TRAF1: variants seen among roughly 807,000 people sequenced by gnomAD.
The protein encoded by TRAF1 is TNF receptor associated factor 1.
TRAF1 carries 23 observed loss-of-function variants against 40.9 expected under a neutral mutation model. The ratio of observed to expected loss-of-function variants is 0.56; its 90% confidence interval spans 0.40 to 0.80. The LOEUF (loss-of-function observed/expected upper bound fraction) is 0.80. Ranked by LOEUF, TRAF1 falls within the 30% of genes least tolerant of loss-of-function variation. The probability of loss-of-function intolerance (pLI) is 0.00; values close to 1 mark genes in which losing one functional copy is unlikely to be tolerated. For synonymous variants in TRAF1, 206 were observed against 218.8 expected (o/e 0.94, Z 0.52); for missense variants, 477 against 528.7 (o/e 0.90, Z 0.96).
intron 5 of TRAF1, 64 bp downstream of exon 5, chr9:120,913,264 T>G (rs1036646187): frequency 1.3e-6 from 2 of 1,518,540 alleles, no homozygotes; most frequent in African/African-American, 2.8e-5. Flanking sequence ...GAAGCCTGTC[T>G]GCCGCTCTGG....
At chr9:120,923,537 C>A (rs1271566799) in intron 3 of TRAF1, among the ~76,000 whole-genome samples, 168 bp downstream of exon 3, 1 of 152,214 alleles carries the variant, frequency 6.6e-6, no homozygotes, top group Non-Finnish European at 1.5e-5. Context: ...CAAGACACTT[C>A]ACCACTGTGA....
chr9:120,916,376 T>A (rs1264115867), intron 3 of TRAF1, among the ~76,000 whole-genome samples: 1 of 152,096 alleles, frequency 6.6e-6, no homozygotes, highest in Non-Finnish European at 1.5e-5. Context: ...GTAGTGGCGG[T>A]TACATGATTA....
At chr9:120,915,179 G>T (rs1220771595) in intron 3 of TRAF1, among the ~76,000 whole-genome samples, 5 of 150,674 alleles carry the variant, frequency 3.3e-5, no homozygotes. Flanking sequence ...TACATTCTGA[G>T]AAATGTGTCA....
chr9:120,924,260 T>G (rs2046624039), intron 2 of TRAF1, among the ~76,000 whole-genome samples: 1 of 152,136 alleles, frequency 6.6e-6, no homozygotes, highest in Admixed American at 6.5e-5. Flanking sequence ...CCATTTGGTT[T>G]TGGTCTTATA....
At chr9:120,913,251 G>A in intron 5 of TRAF1, 77 bp downstream of exon 5, 1 of 1,490,452 alleles carries the variant, frequency 6.7e-7, no homozygotes, top group Non-Finnish European at 9.0e-7. Context: ...GAATGATTAG[G>A]AGGAAGCCTG....
chr9:120,921,010 C>G lies in TRAF1; in HGVS notation c.228+2695G>C, dbSNP rs532661010. On this transcript the variant is annotated intron_variant, in intron 3 of 7. Transcript: ENST00000373887. ...CCCTATGTGGCTTTGTGTAGGTGAT[C>G]AGACCATGACTTACCGCCCCTCCCC... Among the ~76,000 whole-genome samples, 120 of 152,238 alleles carry G rather than the reference C, an allele frequency of 7.9e-4. 1 individual carries two copies. Among genetic ancestry groups the G allele is most frequent in the Middle Eastern group, 3.4e-3 (1 of 294 alleles).
intron 6 of TRAF1, 30 bp downstream of exon 6, chr9:120,911,306 G>T (rs749427905): frequency 6.2e-7 from 1 of 1,604,568 alleles, no homozygotes; most frequent in Non-Finnish European, 8.5e-7. Flanking sequence ...GTTTCCCCAG[G>T]CAGGTCTCTG....
At chr9:120,906,605 C>A (rs2046484740) in intron 7 of TRAF1, among the ~76,000 whole-genome samples, 1 of 152,208 alleles carries the variant, frequency 6.6e-6, no homozygotes, top group Admixed American at 6.5e-5. Context: ...CTATCAACAT[C>A]CCCACCAGAG....
At chr9:120,914,119 G>A (rs1341095933) in intron 4 of TRAF1, 116 bp downstream of exon 4, 13 of 874,232 alleles carry the variant, frequency 1.5e-5, no homozygotes, top group South Asian at 1.3e-4. Context: ...TAGTACAAAG[G>A]ACATCCAGAT....
At position 120,912,744 on chromosome 9, in the gene TRAF1, C is replaced by T. The variant is rs1027942184; in HGVS notation, c.705+584G>A. On this transcript the variant is annotated intron_variant, in intron 5 of 7. Transcript: ENST00000373887. ...GCCCTGTTGGACCAAGAACTGTGGC[C>T]AAGTGGATTATCTGGAGTCAGCCTG... Among the ~76,000 whole-genome samples the T allele has an allele frequency of 7.2e-5, 11 of 152,136 alleles. No individual in the cohort carries two copies. The East Asian group carries it at 2.1e-3, about 29-fold the overall frequency.
Position 120,904,983 on chromosome 9 carries a change from C to A in TRAF1, c.*37G>T. 14 of 1,588,974 alleles carry A rather than the reference C, an allele frequency of 8.8e-6. No homozygotes were observed. Among genetic ancestry groups the A allele is most frequent in the South Asian group, 1.1e-5 (1 of 88,092 alleles). On this transcript the variant is annotated 3_prime_UTR_variant, in exon 8 of 8. Transcript: ENST00000373887. ...GCATCACAGTCCTCTGGCTAGCTCC[C>A]TTCTGAGTTGGAGCTCCCTCAGGAG...
At chr9:120,917,677 C>T (rs1401444706) in intron 3 of TRAF1, among the ~76,000 whole-genome samples, 1 of 152,176 alleles carries the variant, frequency 6.6e-6, no homozygotes. Flanking sequence ...CTTCTCAGGG[C>T]TGCCTGCACT....
chr9:120,907,849 C>G (rs561099470), intron 7 of TRAF1, among the ~76,000 whole-genome samples: 3 of 152,086 alleles, frequency 2.0e-5, no homozygotes, highest in South Asian at 4.1e-4. Context: ...CTCTTTCCTT[C>G]CCTTCCTTTC....
At position 120,911,508 on chromosome 9, in the gene TRAF1, C is replaced by T. The variant is rs1212758501; in HGVS notation, c.711G>A (p.Val237=). 2.5e-6 allele frequency: 4 copies of T among 1,611,134 alleles called. No homozygotes were observed. The Admixed American group carries it at 5.0e-5, about 20-fold the overall frequency. The change falls in exon 6 of 8, where the codon GTG becomes GTA. Residue 237 remains valine (V), a synonymous_variant. Transcript: ENST00000373887. ...TCTGGGCCAGGGTCTGCTGAAGCTC[C>T]ACCACCTGTAGGGAAGACTGTTCAG... ...ERILSLEQRV[V]ELQQTLAQKD...
rs1167167678 is a variant in TRAF1, at chr9:120,904,881, C to T, written c.*139G>A. ...CCTAACCAGATGGCCAGCCCGAAGT[C>T]GACCCCTCAGTCTTGCTTGGATCAT... On this transcript the variant is annotated 3_prime_UTR_variant, in exon 8 of 8. Coordinates refer to ENST00000373887, the MANE Select transcript of TRAF1 (RefSeq NM_005658.5). 7.9e-6 allele frequency: 7 copies of T among 887,616 alleles called. No individual in the cohort carries two copies. The highest frequency in any genetic ancestry group is 1.0e-5 in the Non-Finnish European group (6 of 588,554). The allele number at this position is 887,616 out of a possible 1,614,324, so 55.0% of individuals were successfully genotyped here.
At chr9:120,919,335 C>T (rs113073067) in intron 3 of TRAF1, among the ~76,000 whole-genome samples, 13 of 152,348 alleles carry the variant, frequency 8.5e-5, no homozygotes, top group South Asian at 2.1e-4. Context: ...GGAGTCTCTG[C>T]GTGTGTGGTG....
Position 120,902,906 on chromosome 9 carries a change from C to G in TRAF1, c.*2114G>C, listed in dbSNP as rs2046449698. 2 of 152,224 alleles carry G rather than the reference C, an allele frequency of 1.3e-5. No individual in the cohort carries two copies. Among genetic ancestry groups the G allele is most frequent in the Non-Finnish European group, 1.5e-5 (1 of 68,066 alleles). The allele number at this position is 152,224 out of a possible 1,614,324, so 9.4% of individuals were successfully genotyped here. A position where few individuals can be genotyped will look rare whatever the true frequency, so the allele number is the denominator to read the frequency against. On this transcript the variant is annotated 3_prime_UTR_variant, in exon 8 of 8. Coordinates refer to ENST00000373887, the MANE Select transcript of TRAF1 (RefSeq NM_005658.5). ...AGGTGCAGGTGTCAATGAAGCTTTGCTGAAAGAATGGCTGCATCTCATGCT... is the reference window on the plus strand; with the variant it reads ...AGGTGCAGGTGTCAATGAAGCTTTGGTGAAAGAATGGCTGCATCTCATGCT...
rs889882713 is a variant in TRAF1 at position 120,914,398 on chromosome 9, C to T, written c.229-98G>A. The T allele has an allele frequency of 7.0e-6, 9 of 1,284,898 alleles. No individual in the cohort carries two copies. The Admixed American group carries it at 3.1e-4, about 44-fold the overall frequency. The allele number at this position is 1,284,898 out of a possible 1,614,324, so 79.6% of individuals were successfully genotyped here. On this transcript the variant is annotated intron_variant, in intron 3 of 7. Coordinates refer to ENST00000373887, the MANE Select transcript of TRAF1 (RefSeq NM_005658.5). ...CAGGATCCACCAGGGCAGGAGATGG[C>T]TTGGGCCACATGACTTTGCACACTG...
chr9:120,911,221 GC>G, intron 6 of TRAF1, 114 bp downstream of exon 6: 3 of 1,254,570 alleles, frequency 2.4e-6, no homozygotes, highest in Non-Finnish European at 3.3e-6. Context: ...ATGGGCACTG[GC>G]CTAAACTGGA....
Sources: allele counts gnomAD v4.1 joint callset (sites outside exome capture counted in the v4.1 genomes callset), GRCh38; gene constraint gnomAD v4.1.1; transcripts MANE v1.5; gene names NCBI Gene and HGNC (gene_info 2026-07-23, HGNC 2026-07-21).